CROCC: variants seen among roughly 807,000 people sequenced by gnomAD.
The protein encoded by CROCC is ciliary rootlet coiled-coil, rootletin, also known as rootletin.
CROCC carries 180 observed loss-of-function variants against 245.2 expected under a neutral mutation model. The ratio of observed to expected loss-of-function variants is 0.73; its 90% CI spans 0.65 to 0.83. CROCC has a LOEUF of 0.83. CROCC is among the 40% of genes least tolerant of loss of function. The pLI, the probability that CROCC is intolerant of heterozygous loss-of-function variation, is 0.00. For missense variants in CROCC, 2,688 were observed against 2,779.4 expected, an observed-to-expected ratio of 0.97 and a Z score of 0.74; for synonymous variants, 1,205 against 1,241.6, an observed-to-expected ratio of 0.97 and a Z score of 0.62.
At chr1:16,919,091 A>C (rs2075350477), upstream of CROCC, among the ~76,000 whole-genome samples, 2 of 152,270 alleles carry the variant, frequency 1.3e-5, no homozygotes, top group South Asian at 4.1e-4. Flanking sequence ...ACTTGGCAAC[A>C]TTTATCTTTT....
At chr1:16,939,515 T>G (rs1201104533) in intron 12 of CROCC, among the ~76,000 whole-genome samples, 1 of 151,528 alleles carries the variant, frequency 6.6e-6, no homozygotes, top group African/African-American at 2.4e-5. Context: ...GAATCAGAGC[T>G]TGGGAACTAG....
Position 16,966,507 on chromosome 1 carries a change from T to G in CROCC, c.4796T>G (p.Leu1599Arg), listed in dbSNP as rs967438590. ...AGTGAGCGGGAGCGCCGGGCCACGC[T>G]GGACCAGGTGGCCACACTGGAGAGG... Reference protein sequence around the residue: ...RRSERERRATLDQVATLERSL... With the variant: ...RRSERERRATRDQVATLERSL... The change falls in exon 30 of 37, where the codon CTG (leucine) becomes CGG (arginine). Residue 1599 changes from leucine (L) to arginine (R), a missense_variant. By Grantham distance (102) the Leu-to-Arg change is moderately radical. Transcript: ENST00000375541. This position sits in a 1 kb window ranked among gnomAD's most constrained non-coding sequence, Gnocchi z 4.8. The G allele has an allele frequency of 6.5e-7, 1 of 1,528,616 alleles. No individual in the cohort carries two copies. 94.7% of individuals were successfully genotyped at this position (1,528,616 alleles called of 1,614,324 possible). A position where few individuals can be genotyped will look rare whatever the true frequency, so the allele number is the denominator to read the frequency against.
intron 9 of CROCC, among the ~76,000 whole-genome samples, chr1:16,937,206 A>T (rs1466292339): frequency 6.6e-6 from 1 of 152,270 alleles, no homozygotes; most frequent in African/African-American, 2.4e-5. Flanking sequence ...TACAAAAATT[A>T]GCTGGGCGTG....
chr1:16,955,441 G>T lies in CROCC; in HGVS notation c.3595G>T (p.Gly1199Cys). 6.3e-7 allele frequency: 1 copy of T among 1,597,304 alleles called. No individual in the cohort carries two copies. ...CCGGGAGGTGCAGCGCCAGGAGGCA[G>T]GCGAGCTGCGACGCAGCCTGGGCGA... ...EGREVQRQEAGELRRSLGEGA... is the reference protein window; with the variant it reads ...EGREVQRQEACELRRSLGEGA... The change falls in exon 24 of 37, where the codon GGC becomes TGC. Residue 1199 changes from glycine to cysteine, a missense_variant. This residue lies in a region of CROCC where 1,218 missense variants were observed against 1,286.3 expected (regional missense o/e 0.95). Coordinates refer to ENST00000375541, the MANE Select transcript of CROCC (RefSeq NM_014675.5).
upstream of CROCC, chr1:16,921,927 C>T (rs2075414935): frequency 7.6e-7 from 1 of 1,323,930 alleles, no homozygotes; most frequent in Non-Finnish European, 1.1e-6. Context: ...GCCTGGTGCT[C>T]AGCACAGCAT....
intron 27 of CROCC, among the ~76,000 whole-genome samples, chr1:16,964,106 T>C (rs1025357774): frequency 6.3e-5 from 8 of 126,454 alleles, no homozygotes; most frequent in Non-Finnish European, 3.7e-5. Flanking sequence ...GGGCCCACTT[T>C]TTTCTTTTTC....
Position 16,929,946 on chromosome 1 carries a change from A to G in CROCC, c.452A>G (p.Glu151Gly). Reference sequence around the variant, plus strand: ...GAGTTGCGGAGGCAGCTGCAGGAGGAGCAGGCCTCCTACCGGCGCAAGCTG... The same window carrying G: ...GAGTTGCGGAGGCAGCTGCAGGAGGGGCAGGCCTCCTACCGGCGCAAGCTG... ...SVELRRQLQE[E>G]QASYRRKLQA... The change falls in exon 4 of 37, where the codon GAG becomes GGG. Residue 151 changes from glutamate (E) to glycine (G), a missense_variant. Glu to Gly is a moderately conservative substitution (Grantham distance 98). This residue lies in a region of CROCC where 972 missense variants were observed against 895.3 expected (regional missense o/e 1.09). Transcript: ENST00000375541. 6.3e-7 allele frequency: 1 copy of G among 1,587,268 alleles called. No individual in the cohort carries two copies. Among genetic ancestry groups the G allele is most frequent in the Admixed American group, 1.8e-5 (1 of 55,410 alleles).
rs758513371 is a variant in CROCC, at chr1:16,954,805, C to T, written c.3393C>T (p.His1131=). The T allele has an allele frequency of 3.0e-5, 46 of 1,552,386 alleles. No individual in the cohort carries two copies. The highest frequency in any genetic ancestry group is 2.7e-5 in the Non-Finnish European group (31 of 1,148,076). ...RAQREEAAAA[H]AQEVRRLQEQ... is the part of the protein sequence containing the mutation. ...AGCGGGAGGAGGCTGCTGCGGCCCA[C>T]GCCCAGGAGGTGAGGAGGCTGCAAG... Residue 1131 remains histidine, a synonymous_variant, in exon 23 of 37, where the codon CAC becomes CAT. Coordinates refer to ENST00000375541, the MANE Select transcript of CROCC (RefSeq NM_014675.5). The surrounding 1 kb of genome is among the most constrained non-coding windows in gnomAD (Gnocchi z 4.4).
rs372980469 is a variant in CROCC at position 16,968,754 on chromosome 1, C to A, written c.5076+336C>A. 2.2e-4 allele frequency among the ~76,000 whole-genome samples: 34 copies of A among 152,350 alleles called. 1 individual carries two copies. Among genetic ancestry groups the A allele is most frequent in the Admixed American group, 1.6e-3 (24 of 15,302 alleles). On this transcript the variant is annotated intron_variant, in intron 31 of 36. Coordinates refer to ENST00000375541, the MANE Select transcript of CROCC (RefSeq NM_014675.5). The stretch of plus-strand genomic sequence containing the variant: ...CTAACTGGAATGTTAAATAATACGG[C>A]TAGCCTTGCCTGAACACCCAACAAG...
At chr1:16,918,737 T>A (rs9660219), upstream of CROCC, among the ~76,000 whole-genome samples, 2 of 49,772 alleles carry the variant, frequency 4.0e-5, no homozygotes, top group South Asian at 5.2e-4. Context: ...TTTAGTTTTT[T>A]GTTTTTGTTT....
rs1359247954 is a variant in CROCC at position 16,960,909 on chromosome 1, G to A, written c.4184G>A (p.Arg1395Gln). 2 of 1,505,650 alleles carry A rather than the reference G, an allele frequency of 1.3e-6. No individual in the cohort carries two copies. The highest frequency in any genetic ancestry group is 2.6e-5 in the East Asian group (1 of 37,906). 93.3% of individuals were successfully genotyped at this position (1,505,650 alleles called of 1,614,324 possible). Residue 1395 changes from arginine (R) to glutamine (Q), a missense_variant, in exon 27 of 37, where the codon CGG becomes CAG. Physicochemically the swap from Arg to Gln is conservative, Grantham distance 43 (BLOSUM62 1). Coordinates refer to ENST00000375541, the MANE Select transcript of CROCC (RefSeq NM_014675.5). ...RGLELKLEAA[R>Q]AEAAELGLRL... ...CTGGAGCTGAAGCTGGAGGCGGCGC[G>A]GGCCGAGGCTGCAGAGCTGGGCCTG...
In CROCC at chr1:16,970,406, C is replaced by T. The variant is rs770591508; in HGVS notation, c.5605C>T (p.Leu1869=). ...AEKREVERSA[L]RLEKDRVALR... ...GAAGCGGGAGGTGGAGCGCTCAGCC[C>T]TGCGGCTGGAGAAGGACCGTGTAGC... Residue 1869 remains leucine, a synonymous_variant, in exon 34 of 37, where the codon CTG becomes TTG. Coordinates refer to ENST00000375541, the MANE Select transcript of CROCC (RefSeq NM_014675.5). The T allele has an allele frequency of 1.9e-6, 3 of 1,604,900 alleles. No individual in the cohort carries two copies. The highest frequency in any genetic ancestry group is 2.6e-6 in the Non-Finnish European group (3 of 1,175,934).
At position 16,939,014 on chromosome 1, in the gene CROCC, TC is replaced by T; in HGVS notation, c.1484del (p.Pro495HisfsTer29). On this transcript the variant is annotated frameshift_variant, in exon 12 of 37. Transcript: ENST00000375541. LOFTEE classifies it high-confidence loss of function. ...LRGLSGQRTP[S>X]PPRRSSPGRG... ...GGGGCTCTCGGGCCAGCGGACCCCG[TC>T]CCCACCGCGGCGCTCCTCGCCCGGC... is the stretch of plus-strand genomic sequence containing the variant. 6.2e-7 allele frequency: 1 copy of T among 1,601,832 alleles called. No individual in the cohort carries two copies. Among genetic ancestry groups the T allele is most frequent in the Non-Finnish European group, 8.5e-7 (1 of 1,176,182 alleles).
intron 27 of CROCC, among the ~76,000 whole-genome samples, chr1:16,965,364 CCG>C (rs2076400326): frequency 6.6e-6 from 1 of 152,124 alleles, no homozygotes; most frequent in African/African-American, 2.4e-5. Context: ...ACATCAGACC[CCG>C]CTGAGGGTGG....
chr1:16,946,869 G>A lies in CROCC; in HGVS notation c.2392G>A (p.Glu798Lys). 6.4e-7 allele frequency: 1 copy of A among 1,558,998 alleles called. No individual in the cohort carries two copies. The highest frequency in any genetic ancestry group is 8.7e-7 in the Non-Finnish European group (1 of 1,151,504). ...GCTAGAGGAGCTGCGGTTGGAGCAGGAGGTGGCGCGGCAGGGCCTGGAGGG... is the reference window on the plus strand; with the variant it reads ...GCTAGAGGAGCTGCGGTTGGAGCAGAAGGTGGCGCGGCAGGGCCTGGAGGG... ...ERLEELRLEQ[E>K]VARQGLEGSL... The change falls in exon 17 of 37, where the codon GAG becomes AAG. Residue 798 changes from glutamate to lysine, a missense_variant. Around this residue, in one of 9 missense-constraint regions of CROCC, gnomAD observed 295 missense variants for 241.7 expected, o/e 1.22. Transcript: ENST00000375541.
At chr1:16,937,933 A>G in intron 10 of CROCC, among the ~76,000 whole-genome samples, 196 bp downstream of exon 10, 1 of 152,394 alleles carries the variant, frequency 6.6e-6, no homozygotes, top group African/African-American at 2.4e-5. Context: ...GCAGCCCTGT[A>G]GCATAATCCT....
chr1:16,921,949 C>T lies in CROCC; in HGVS notation c.-70C>T. The stretch of plus-strand genomic sequence containing the variant: ...GCTCAGCACAGCATCCTGGCTGTGG[C>T]GCGTGCTGACTGAGCTAGTCTTGGG... On this transcript the variant is annotated 5_prime_UTR_variant, in exon 1 of 37. Transcript: ENST00000375541. 5.6e-6 allele frequency: 8 copies of T among 1,429,472 alleles called. No individual in the cohort carries two copies. The highest frequency in any genetic ancestry group is 2.5e-5 in the East Asian group (1 of 40,504). The allele number at this position is 1,429,472 out of a possible 1,614,324, so 88.5% of individuals were successfully genotyped here.
intron 13 of CROCC, among the ~76,000 whole-genome samples, chr1:16,942,949 T>TA (rs1229368706): frequency 4.5e-4 from 68 of 151,592 alleles, no homozygotes; most frequent in African/African-American, 1.3e-3. Context: ...CTACTAAAAA[T>TA]AAAAAAAAAT....
upstream of CROCC, chr1:16,921,863 G>A (rs1241340902): frequency 8.2e-6 from 6 of 728,890 alleles, no homozygotes; most frequent in Non-Finnish European, 1.2e-5. Context: ...CCCACATCCT[G>A]CTCCTCCCAC....
Sources: allele counts gnomAD v4.1 joint callset (sites outside exome capture counted in the v4.1 genomes callset), GRCh38; gene constraint gnomAD v4.1.1; regional missense constraint gnomAD v4.1.1; non-coding constraint Gnocchi (gnomAD v3.1); transcripts MANE v1.5; gene names NCBI Gene and HGNC (gene_info 2026-07-23, HGNC 2026-07-21).